PCDHGA9: variants seen among roughly 807,000 people sequenced by gnomAD.
PCDHGA9 encodes the protein protocadherin gamma-A9.
A neutral mutation model predicts 62.5 loss-of-function variants in PCDHGA9; 37 were observed. That is an observed-to-expected ratio of 0.59 (90% CI 0.46 to 0.78). The LOEUF (loss-of-function observed/expected upper bound fraction) is 0.78, where lower values mean the gene tolerates loss of function less well. Ranked by LOEUF, PCDHGA9 falls within the 30% of genes least tolerant of loss-of-function variation. The probability of loss-of-function intolerance (pLI) is 0.00; values close to 1 mark genes in which losing one functional copy is unlikely to be tolerated. For missense variants in PCDHGA9, 1,138 were observed against 1,166.2 expected, an observed-to-expected ratio of 0.98 and a Z score of 0.35; for synonymous variants, 459 against 484.6, an observed-to-expected ratio of 0.95 and a Z score of 0.69.
rs200931939 is a variant in PCDHGA9, at chr5:141,423,096, C to T, written c.2424+17720C>T. On this transcript the variant is annotated intron_variant, in intron 1 of 3. Transcript: ENST00000573521. Reference sequence around the variant, plus strand: ...CGGGACTCTTCGCGGTGGGGGAGCACACGGGCGAGGTGCGTACAGCGCGGG... The same window carrying T: ...CGGGACTCTTCGCGGTGGGGGAGCATACGGGCGAGGTGCGTACAGCGCGGG... The T allele has an allele frequency of 3.8e-5, 61 of 1,613,974 alleles. No individual in the cohort carries two copies. In the East Asian group the frequency reaches 1.3e-3, roughly 35 times the overall value.
At chr5:141,508,983 C>T (rs532410967) in intron 3 of PCDHGA9, among the ~76,000 whole-genome samples, 44 of 152,148 alleles carry the variant, frequency 2.9e-4, no homozygotes, top group Non-Finnish European at 4.4e-4. Flanking sequence ...GGGGTGGGGG[C>T]CAGCTGGGGT....
rs1384424498 is a variant in PCDHGA9, at chr5:141,431,677, G to A, written c.2424+26301G>A. On this transcript the variant is annotated intron_variant, in intron 1 of 3. Coordinates refer to ENST00000573521, the MANE Select transcript of PCDHGA9 (RefSeq NM_018921.3). This position sits in a 1 kb window ranked among gnomAD's most constrained non-coding sequence, Gnocchi z 4.8. The stretch of plus-strand genomic sequence containing the variant: ...CAGGGACAATATCAACAATAGGGGA[G>A]TTGGACCACGAGGAGTCAGGATTCT... 2 of 1,614,236 alleles carry A rather than the reference G, an allele frequency of 1.2e-6. No homozygotes were observed. The highest frequency in any genetic ancestry group is 1.7e-6 in the Non-Finnish European group (2 of 1,180,050).
At chr5:141,443,751 A>C (rs1372334547) in intron 1 of PCDHGA9, among the ~76,000 whole-genome samples, 3 of 152,230 alleles carry the variant, frequency 2.0e-5, no homozygotes, top group African/African-American at 7.2e-5. Context: ...GTGAATTGGA[A>C]GCTTACAATA....
chr5:141,497,197 A>G (rs1243476120), intron 2 of PCDHGA9, among the ~76,000 whole-genome samples: 2 of 106,804 alleles, frequency 1.9e-5, no homozygotes, highest in African/African-American at 5.7e-5. Flanking sequence ...GCAGAGAACA[A>G]TGTGAGTGTA....
At position 141,485,293 on chromosome 5, in the gene PCDHGA9, G is replaced by A. The variant is rs1356836741; in HGVS notation, c.2425-9514G>A. On this transcript the variant is annotated intron_variant, in intron 1 of 3. Transcript: ENST00000573521. The surrounding 1 kb of genome is among the most constrained non-coding windows in gnomAD (Gnocchi z 5.7). ...GCTACCCGGTCCCAGAGGAGTCACA[G>A]GAAGGGACTTTTGTAGGGAATGTCG... 1 of 1,614,170 alleles carries A rather than the reference G, an allele frequency of 6.2e-7. No individual in the cohort carries two copies.
chr5:141,404,415 T>C lies in PCDHGA9; in HGVS notation c.1463T>C (p.Ile488Thr). The C allele has an allele frequency of 6.2e-7, 1 of 1,613,844 alleles. No homozygotes were observed. Among genetic ancestry groups the C allele is most frequent in the Non-Finnish European group, 8.5e-7 (1 of 1,179,812 alleles). ...DPDSNENSRV[I>T]YSLAEDTIQG... Reference sequence around the variant, plus strand: ...GATAGCAATGAGAATTCTAGAGTTATTTACTCCTTGGCAGAGGATACCATC... The same window carrying C: ...GATAGCAATGAGAATTCTAGAGTTACTTACTCCTTGGCAGAGGATACCATC... The change falls in exon 1 of 4, where the codon ATT (isoleucine) becomes ACT (threonine). Residue 488 changes from isoleucine (I) to threonine (T), a missense_variant. Physicochemically the swap from Ile to Thr is moderately conservative, Grantham distance 89 (BLOSUM62 -1). Coordinates refer to ENST00000573521, the MANE Select transcript of PCDHGA9 (RefSeq NM_018921.3).
At chr5:141,473,330 C>T (rs1431360397) in intron 1 of PCDHGA9, among the ~76,000 whole-genome samples, 2 of 152,208 alleles carry the variant, frequency 1.3e-5, no homozygotes, top group East Asian at 3.8e-4. Flanking sequence ...TAAGTGCCTG[C>T]TGTGCTAGAC....
rs1444171664 is a variant in PCDHGA9, at chr5:141,477,015, T to G, written c.2425-17792T>G. The G allele has an allele frequency of 1.2e-6, 2 of 1,614,210 alleles. No homozygotes were observed. Among genetic ancestry groups the G allele is most frequent in the Non-Finnish European group, 1.7e-6 (2 of 1,180,038 alleles). On this transcript the variant is annotated intron_variant, in intron 1 of 3. Coordinates refer to ENST00000573521, the MANE Select transcript of PCDHGA9 (RefSeq NM_018921.3). This position sits in a 1 kb window ranked among gnomAD's most constrained non-coding sequence, Gnocchi z 4.9. ...CGGCAACTATTCGCCTTAGACCTTG[T>G]AACCGGGATGCTGACAATCAAGGGT...
At position 141,476,591 on chromosome 5, in the gene PCDHGA9, G is replaced by C. The variant is rs200254399; in HGVS notation, c.2425-18216G>C. The C allele has an allele frequency of 6.2e-7, 1 of 1,614,230 alleles. No homozygotes were observed. Among genetic ancestry groups the C allele is most frequent in the East Asian group, 2.2e-5 (1 of 44,870 alleles). On this transcript the variant is annotated intron_variant, in intron 1 of 3. Coordinates refer to ENST00000573521, the MANE Select transcript of PCDHGA9 (RefSeq NM_018921.3). This position sits in a 1 kb window ranked among gnomAD's most constrained non-coding sequence, Gnocchi z 7.6. ...GGGGACGCGCTTTCCGCTCGAGAGCGCGCACGATCCCGATGTGGGAAGCAA... is the reference window on the plus strand; with the variant it reads ...GGGGACGCGCTTTCCGCTCGAGAGCCCGCACGATCCCGATGTGGGAAGCAA...
At chr5:141,472,332 G>A (rs566731120) in intron 1 of PCDHGA9, among the ~76,000 whole-genome samples, 1 of 152,116 alleles carries the variant, frequency 6.6e-6, no homozygotes, top group East Asian at 1.9e-4. Flanking sequence ...ACGAGGTTGG[G>A]AGATCGAGAC....
intron 1 of PCDHGA9, among the ~76,000 whole-genome samples, chr5:141,472,889 G>A (rs1163806093): frequency 6.6e-6 from 1 of 151,392 alleles, no homozygotes; most frequent in Non-Finnish European, 1.5e-5. Context: ...GGGAGGCTGA[G>A]GCAGGAGAAT....
intron 1 of PCDHGA9, among the ~76,000 whole-genome samples, chr5:141,436,374 G>C (rs2154557079): frequency 6.6e-6 from 1 of 152,248 alleles, no homozygotes; most frequent in East Asian, 1.9e-4. Context: ...TCCAGTTTAA[G>C]CTGAATAGGC....
At chr5:141,488,478 A>T (rs1251914951) in intron 1 of PCDHGA9, among the ~76,000 whole-genome samples, 5 of 152,072 alleles carry the variant, frequency 3.3e-5, no homozygotes, top group African/African-American at 4.8e-5. Flanking sequence ...ATGTTCCCCT[A>T]CCCAAAAACT....
chr5:141,447,689 AG>A lies in PCDHGA9; in HGVS notation c.2424+42316del, dbSNP rs145694922. ...TTAGAACTGTTCCATATCTTGATAGAGGGATGGGTTATAAGGATGTACACAT... is the reference window on the plus strand; with the variant it reads ...TTAGAACTGTTCCATATCTTGATAGAGGATGGGTTATAAGGATGTACACAT... On this transcript the variant is annotated intron_variant, in intron 1 of 3. Coordinates refer to ENST00000573521, the MANE Select transcript of PCDHGA9 (RefSeq NM_018921.3). Among the ~76,000 whole-genome samples the A allele has an allele frequency of 4.6e-3, 694 of 152,302 alleles. 4 individuals are homozygous for A. The highest frequency in any genetic ancestry group is 0.015 in the African/African-American group (633 of 41,566).
intron 1 of PCDHGA9, among the ~76,000 whole-genome samples, chr5:141,438,828 A>T (rs1364963084): frequency 6.7e-6 from 1 of 149,956 alleles, no homozygotes; most frequent in Non-Finnish European, 1.5e-5. Context: ...TGCCCAGCTA[A>T]TTTTTTAAAA....
intron 1 of PCDHGA9, among the ~76,000 whole-genome samples, chr5:141,449,762 G>T (rs909809198): frequency 6.6e-6 from 1 of 151,458 alleles, no homozygotes; most frequent in Non-Finnish European, 1.5e-5. Context: ...ACATTTGAGA[G>T]TAAGTTGTAG....
chr5:141,416,223 A>AT, intron 1 of PCDHGA9: 1 of 152,302 alleles, frequency 6.6e-6, no homozygotes, highest in East Asian at 1.9e-4. Flanking sequence ...GTATGCTTAG[A>AT]TTTTTCCAGC....
Position 141,485,581 on chromosome 5 carries a change from G to C in PCDHGA9, c.2425-9226G>C. The C allele has an allele frequency of 6.2e-7, 1 of 1,612,458 alleles. No individual in the cohort carries two copies. The highest frequency in any genetic ancestry group is 8.5e-7 in the Non-Finnish European group (1 of 1,178,652). ...ATCACGCCCCCCGTTTTCCGCGGCA[G>C]CAGCTGGACTTGGAAATTGGGGAGG... On this transcript the variant is annotated intron_variant, in intron 1 of 3. Coordinates refer to ENST00000573521, the MANE Select transcript of PCDHGA9 (RefSeq NM_018921.3). This position sits in a 1 kb window ranked among gnomAD's most constrained non-coding sequence, Gnocchi z 5.7.
chr5:141,415,755 T>C (rs753465209), intron 1 of PCDHGA9: 19 of 1,387,632 alleles, frequency 1.4e-5, no homozygotes, highest in Middle Eastern at 2.6e-4. Flanking sequence ...TTTTTTTTTT[T>C]TTTTTTTTTT....
Sources: allele counts gnomAD v4.1 joint callset (sites outside exome capture counted in the v4.1 genomes callset), GRCh38; gene constraint gnomAD v4.1.1; non-coding constraint Gnocchi (gnomAD v3.1); transcripts MANE v1.5; gene names NCBI Gene and HGNC (gene_info 2026-07-23, HGNC 2026-07-21).